Variants in RBM6 observed in about 807,000 individuals in gnomAD.
RBM6 encodes RNA binding motif protein 6, also known as RNA-binding protein 6.
A neutral mutation model predicts 140.4 loss-of-function variants in RBM6; 23 were observed. That is an observed-to-expected ratio of 0.16 (90% confidence interval 0.12 to 0.23). The LOEUF (loss-of-function observed/expected upper bound fraction) is 0.23. RBM6 is among the 10% of genes least tolerant of loss of function. The pLI, the probability that RBM6 is intolerant of heterozygous loss-of-function variation, is 1.00. For missense variants in RBM6, 1,139 were observed against 1,386.7 expected (o/e 0.82, Z 2.84); for synonymous variants, 439 against 475.6 (o/e 0.92, Z 1.00).
intron 1 of RBM6, among the ~76,000 whole-genome samples, chr3:49,960,764 A>G (rs924496405): frequency 6.6e-6 from 1 of 152,176 alleles, no homozygotes; most frequent in Non-Finnish European, 1.5e-5. Flanking sequence ...GTGTCCGATC[A>G]GGTCTGAGAC....
intron 6 of RBM6, among the ~76,000 whole-genome samples, chr3:50,005,353 C>T (rs931641414): frequency 4.6e-5 from 7 of 152,044 alleles, no homozygotes; most frequent in African/African-American, 1.7e-4. Flanking sequence ...TAAAAATTAG[C>T]TGGGTGTAGT....
intron 5 of RBM6, among the ~76,000 whole-genome samples, chr3:49,978,310 A>T (rs1459910122): frequency 2.0e-5 from 3 of 152,182 alleles, no homozygotes; most frequent in Admixed American, 2.0e-4. Context: ...CAAAAAGGTG[A>T]CATTCATAGG....
At chr3:50,039,111 AAGAT>A (rs1219616815) in intron 6 of RBM6, among the ~76,000 whole-genome samples, 2 of 152,146 alleles carry the variant, frequency 1.3e-5, no homozygotes, top group Non-Finnish European at 2.9e-5. Flanking sequence ...GGAAAAAAAT[AAGAT>A]AGAGGTTATA....
intron 6 of RBM6, among the ~76,000 whole-genome samples, chr3:50,010,309 T>G (rs2086782182): frequency 6.6e-6 from 1 of 152,160 alleles, no homozygotes; most frequent in Non-Finnish European, 1.5e-5. Flanking sequence ...CAAATGCTAT[T>G]TCCAAAGGAA....
At chr3:49,958,750 CAA>C (rs555958313) in intron 1 of RBM6, among the ~76,000 whole-genome samples, 1 of 99,510 alleles carries the variant, frequency 1.0e-5, no homozygotes, top group Admixed American at 1.1e-4. Flanking sequence ...GACTCCATTT[CAA>C]AAAAAAAAAA....
At chr3:50,013,075 G>T (rs1210125751) in intron 6 of RBM6, among the ~76,000 whole-genome samples, 2 of 152,108 alleles carry the variant, frequency 1.3e-5, no homozygotes, top group Non-Finnish European at 2.9e-5. Context: ...TTTGAATGCA[G>T]ATTTTTGAAT....
intron 8 of RBM6, among the ~76,000 whole-genome samples, chr3:50,056,245 A>C (rs2108904052): frequency 6.6e-6 from 1 of 152,242 alleles, no homozygotes; most frequent in South Asian, 2.1e-4. Flanking sequence ...CCCCACAAGA[A>C]ACACTTTTTT....
intron 1 of RBM6, among the ~76,000 whole-genome samples, chr3:49,948,717 GAAA>G (rs1298504771): frequency 1.8e-5 from 2 of 108,294 alleles, no homozygotes; most frequent in East Asian, 6.5e-4. Flanking sequence ...TCTCAAAAAA[GAAA>G]AAAAAAAAAA....
intron 17 of RBM6, among the ~76,000 whole-genome samples, chr3:50,068,438 A>G (rs2090186243): frequency 6.6e-6 from 1 of 152,214 alleles, no homozygotes; most frequent in Admixed American, 6.5e-5. Flanking sequence ...TTCAACTTAG[A>G]TAAAGAGATA....
chr3:50,055,784 TAATC>T (rs1467593873), intron 8 of RBM6, among the ~76,000 whole-genome samples: 1 of 152,132 alleles, frequency 6.6e-6, no homozygotes, highest in Admixed American at 6.6e-5. Flanking sequence ...TAGGAGAAAA[TAATC>T]AGGATGTGGG....
At position 49,967,352 on chromosome 3, in the gene RBM6, A is replaced by G; in HGVS notation, c.45-118A>G. 6.7e-7 allele frequency: 1 copy of G among 1,494,342 alleles called. No individual in the cohort carries two copies. The allele number at this position is 1,494,342 out of a possible 1,614,324, so 92.6% of individuals were successfully genotyped here. The stretch of plus-strand genomic sequence containing the variant: ...CTGCAGATCTAGGACCTTGTTACAG[A>G]ACTCTGCCAAAAAAAAAATGTTTAC... On this transcript the variant is annotated intron_variant, in intron 2 of 20. Transcript: ENST00000266022. This position sits in a 1 kb window ranked among gnomAD's most constrained non-coding sequence, Gnocchi z 4.0.
intron 6 of RBM6, among the ~76,000 whole-genome samples, chr3:50,037,595 G>A (rs1291031946): frequency 6.6e-6 from 1 of 152,146 alleles, no homozygotes; most frequent in Non-Finnish European, 1.5e-5. Flanking sequence ...TCAAGTACTT[G>A]GGTGGGAGGT....
chr3:50,015,681 C>T (rs959749553), intron 6 of RBM6, among the ~76,000 whole-genome samples: 1 of 152,114 alleles, frequency 6.6e-6, no homozygotes, highest in Admixed American at 6.6e-5. Context: ...ATCCACCTGC[C>T]TCAGCCTCCC....
Position 49,968,658 on chromosome 3 carries a change from T to G in RBM6, c.1233T>G (p.His411Gln), listed in dbSNP as rs1317265920. Reference protein sequence around the residue: ...YRSMEYRDVDHRLPGSQMFGY... With the variant: ...YRSMEYRDVDQRLPGSQMFGY... Reference sequence around the variant, plus strand: ...GCATGGAGTACCGTGATGTGGATCATAGGCTGCCAGGAAGCCAGATGTTTG... The same window carrying G: ...GCATGGAGTACCGTGATGTGGATCAGAGGCTGCCAGGAAGCCAGATGTTTG... Residue 411 changes from histidine (H) to glutamine (Q), a missense_variant, in exon 3 of 21, where the codon CAT (histidine) becomes CAG (glutamine). His to Gln is a conservative substitution (Grantham distance 24). Coordinates refer to ENST00000266022, the MANE Select transcript of RBM6 (RefSeq NM_005777.3). The G allele has an allele frequency of 6.2e-7, 1 of 1,613,860 alleles. No individual in the cohort carries two copies. The highest frequency in any genetic ancestry group is 8.5e-7 in the Non-Finnish European group (1 of 1,180,012).
At chr3:49,995,604 G>T (rs2086046535) in intron 5 of RBM6, among the ~76,000 whole-genome samples, 1 of 151,872 alleles carries the variant, frequency 6.6e-6, no homozygotes, top group Admixed American at 6.6e-5. Context: ...GTAAATTTAG[G>T]TTAGAAAATT....
chr3:50,058,062 C>T (rs1229019523), intron 9 of RBM6, 59 bp downstream of exon 9: 4 of 1,562,490 alleles, frequency 2.6e-6, no homozygotes, highest in Non-Finnish European at 3.5e-6. Context: ...GCATAGATGG[C>T]CAATGTTATG....
chr3:50,005,464 C>T (rs1358717549), intron 6 of RBM6, among the ~76,000 whole-genome samples: 1 of 148,178 alleles, frequency 6.7e-6, no homozygotes, highest in Non-Finnish European at 1.5e-5. Flanking sequence ...TGCCACTGCA[C>T]TGCAACCTGG....
At position 49,980,789 on chromosome 3, in the gene RBM6, T is replaced by C. The variant is rs368865599; in HGVS notation, c.1483+5397T>C. ...AAAAAAAAAAAAAAAAAGTTGAACC[T>C]GGGTAAAGCATATATGAATCTTTTC... is the stretch of plus-strand genomic sequence containing the variant. On this transcript the variant is annotated intron_variant, in intron 5 of 20. Coordinates refer to ENST00000266022, the MANE Select transcript of RBM6 (RefSeq NM_005777.3). 1.2e-4 allele frequency among the ~76,000 whole-genome samples: 18 copies of C among 151,250 alleles called. No homozygotes were observed. In the East Asian group the frequency reaches 2.3e-3, roughly 20 times the overall value.
intron 15 of RBM6, 99 bp downstream of exon 15, chr3:50,062,207 T>C: frequency 7.2e-7 from 1 of 1,396,330 alleles, no homozygotes. Context: ...TAAAGTAACT[T>C]TAAAAATACT....
Sources: gnomAD v4.1 joint callset for allele counts (sites outside exome capture counted in the v4.1 genomes callset) on GRCh38, gnomAD v4.1.1 for gene constraint, Gnocchi (gnomAD v3.1) non-coding constraint, MANE v1.5 for transcripts, NCBI Gene and HGNC (gene_info 2026-07-23, HGNC 2026-07-21) for gene names.